LVRN: variants seen among roughly 807,000 people sequenced by gnomAD.
LVRN encodes the protein laeverin, also known as aminopeptidase Q.
Under a neutral mutation model 111.4 loss-of-function variants are expected in LVRN, and 99 were observed. The ratio of observed to expected loss-of-function variants is 0.89; its 90% CI spans 0.76 to 1.05. LVRN has a LOEUF of 1.05. Among genes scored for constraint, LVRN ranks in the 50% least tolerant of loss-of-function variants. The pLI is 0.00. For missense variants in LVRN, 1,414 were observed against 1,206.8 expected (o/e 1.17, Z -2.54); for synonymous variants, 488 against 449.5 (o/e 1.09, Z -1.08).
At chr5:115,989,831 A>C (rs1490829711) in intron 4 of LVRN, among the ~76,000 whole-genome samples, 2 of 152,172 alleles carry the variant, frequency 1.3e-5, no homozygotes. Context: ...TAAGATAAAG[A>C]GTTCCTCTAT....
At chr5:116,003,444 A>G (rs1039890224) in intron 12 of LVRN, 64 bp downstream of exon 12, 15 of 1,092,410 alleles carry the variant, frequency 1.4e-5, no homozygotes, top group Non-Finnish European at 1.6e-5. Context: ...GTGTTTTAGA[A>G]GTTGAACATT....
chr5:115,969,856 A>G (rs1753285247), intron 1 of LVRN, among the ~76,000 whole-genome samples: 1 of 150,598 alleles, frequency 6.6e-6, no homozygotes, highest in African/African-American at 2.4e-5. Context: ...CTACATTCTT[A>G]TATCTTTCAT....
chr5:116,018,732 C>A (rs1360588421), intron 18 of LVRN, among the ~76,000 whole-genome samples: 1 of 152,008 alleles, frequency 6.6e-6, no homozygotes, highest in African/African-American at 2.4e-5. Context: ...AAGATTTGTT[C>A]AAATATTTTA....
At chr5:115,973,442 T>C (rs1753370588) in intron 1 of LVRN, among the ~76,000 whole-genome samples, 1 of 152,214 alleles carries the variant, frequency 6.6e-6, no homozygotes, top group African/African-American at 2.4e-5. Flanking sequence ...AAGTATTCCC[T>C]TTTCCTTGAT....
Position 115,963,171 on chromosome 5 carries a change from C to T in LVRN, c.554C>T (p.Thr185Met), listed in dbSNP as rs770574440. The change falls in exon 1 of 20, where the codon ACG becomes ATG. Residue 185 changes from threonine to methionine, a missense_variant. Physicochemically the swap from Thr to Met is moderately conservative, Grantham distance 81. Transcript: ENST00000357872. ...GACGACGTGTGGTTCGCGCTGGACACGGAATACATGGTGCTGGAGCTCAGT... is the reference window on the plus strand; with the variant it reads ...GACGACGTGTGGTTCGCGCTGGACATGGAATACATGGTGCTGGAGCTCAGT... ...PVDDVWFALD[T>M]EYMVLELSEP... 3 of 1,612,870 alleles carry T rather than the reference C, an allele frequency of 1.9e-6. No homozygotes were observed. The highest frequency in any genetic ancestry group is 2.7e-5 in the African/African-American group (2 of 74,936).
In LVRN at chr5:116,010,674, A is replaced by G; in HGVS notation, c.2094-67A>G. ...TCATGCATTGAAACATGGAACAAAT[A>G]TCGAACGTATGCAAATTACTTAGCA... On this transcript the variant is annotated intron_variant, in intron 13 of 19. Transcript: ENST00000357872. The G allele has an allele frequency of 2.0e-6, 3 of 1,508,792 alleles. No individual in the cohort carries two copies. In the Admixed American group the frequency reaches 5.6e-5, roughly 28 times the overall value. 93.5% of individuals were successfully genotyped at this position (1,508,792 alleles called of 1,614,324 possible). A position where few individuals can be genotyped will look rare whatever the true frequency, so the allele number is the denominator to read the frequency against.
intron 4 of LVRN, among the ~76,000 whole-genome samples, chr5:115,990,891 G>T (rs892845899): frequency 6.6e-6 from 1 of 152,130 alleles, no homozygotes; most frequent in Admixed American, 6.6e-5. Context: ...AATATAAATA[G>T]ACTATTTTTA....
intron 6 of LVRN, among the ~76,000 whole-genome samples, chr5:115,999,081 C>T (rs17405648): frequency 0.012 from 1,757 of 152,252 alleles, 8 homozygotes; most frequent in Middle Eastern, 0.02. Flanking sequence ...GCCGGTATAA[C>T]TTCTCCACTG....
chr5:115,990,302 A>T (rs1747959378), intron 4 of LVRN, among the ~76,000 whole-genome samples: 1 of 152,216 alleles, frequency 6.6e-6, no homozygotes, highest in Non-Finnish European at 1.5e-5. Flanking sequence ...AATATTAATT[A>T]TTAGACTCCT....
intron 13 of LVRN, 94 bp downstream of exon 13, chr5:116,006,061 T>C (rs574447961): frequency 5.8e-5 from 59 of 1,010,556 alleles, no homozygotes; most frequent in Non-Finnish European, 8.6e-5. Flanking sequence ...TTATTTAGTC[T>C]ATACAGGCCA....
At chr5:115,999,188 G>T (rs1561563119) in intron 6 of LVRN, among the ~76,000 whole-genome samples, 1 of 152,170 alleles carries the variant, frequency 6.6e-6, no homozygotes, top group Non-Finnish European at 1.5e-5. Flanking sequence ...TCATGTGTCT[G>T]AGAGAGAGCT....
At chr5:115,987,616 G>A (rs889986981) in intron 3 of LVRN, among the ~76,000 whole-genome samples, 197 bp from the exon 4 acceptor site, 8 of 152,106 alleles carry the variant, frequency 5.3e-5, no homozygotes, top group Non-Finnish European at 1.0e-4. Context: ...ACACTTTCGG[G>A]GGAATCACTG....
intron 15 of LVRN, among the ~76,000 whole-genome samples, chr5:116,013,244 A>C (rs1361699922): frequency 1.3e-5 from 2 of 152,202 alleles, no homozygotes; most frequent in African/African-American, 4.8e-5. Flanking sequence ...GGAGGGCAGA[A>C]ATTTTAGTGC....
At chr5:116,002,811 A>T (rs1748264576) in intron 10 of LVRN, 24 bp from the exon 11 acceptor site, 2 of 1,541,018 alleles carry the variant, frequency 1.3e-6, no homozygotes, top group Non-Finnish European at 1.8e-6. Flanking sequence ...AAAGTAACTA[A>T]TTTTTTTATT....
intron 1 of LVRN, among the ~76,000 whole-genome samples, chr5:115,979,291 C>G (rs1165266655): frequency 6.6e-6 from 1 of 152,162 alleles, no homozygotes. Context: ...TTTCATCTTT[C>G]TCAAAAGTGA....
At chr5:115,998,847 GT>G (rs1748175025) in intron 6 of LVRN, among the ~76,000 whole-genome samples, 1 of 152,174 alleles carries the variant, frequency 6.6e-6, no homozygotes, top group African/African-American at 2.4e-5. Flanking sequence ...GAAAAGCAGA[GT>G]TTGATAATGG....
At chr5:115,982,295 C>T (rs1753575912) in intron 1 of LVRN, among the ~76,000 whole-genome samples, 1 of 152,086 alleles carries the variant, frequency 6.6e-6, no homozygotes, top group African/African-American at 2.4e-5. Flanking sequence ...AAGGAGGGAT[C>T]ACAAGGGTAA....
intron 1 of LVRN, among the ~76,000 whole-genome samples, chr5:115,976,507 A>G (rs1219779701): frequency 6.6e-6 from 1 of 151,980 alleles, no homozygotes; most frequent in African/African-American, 2.4e-5. Context: ...TACTTTTTCT[A>G]TACTATGGTT....
intron 9 of LVRN, 42 bp downstream of exon 9, chr5:116,000,700 T>C (rs759404342): frequency 1.3e-6 from 2 of 1,596,998 alleles, no homozygotes; most frequent in Non-Finnish European, 1.7e-6. Context: ...TGAGTTGTTT[T>C]GTATGATACA....
Sources: gnomAD v4.1 joint callset for allele counts (sites outside exome capture counted in the v4.1 genomes callset) on GRCh38, gnomAD v4.1.1 for gene constraint, MANE v1.5 for transcripts, NCBI Gene and HGNC (gene_info 2026-07-23, HGNC 2026-07-21) for gene names.